MTNAP1: variants seen among roughly 807,000 people sequenced by gnomAD.
The protein encoded by MTNAP1 is mitochondrial nucleoid-associated protein 1.
At chr17:73,246,504 C>T in the MTNAP1 span, among the ~76,000 whole-genome samples, 33 of 152,274 alleles carry the variant, frequency 2.2e-4, no homozygotes, top group African/African-American at 7.9e-4. Context: ...CCATTGCATT[C>T]CAGCCTGGGT....
chr17:73,247,137 G>C, the MTNAP1 span: 1 of 955,646 alleles, frequency 1.0e-6, no homozygotes, highest in South Asian at 1.4e-5. Flanking sequence ...ATTTGGTTAG[G>C]TGGCATCCAT....
At chr17:73,235,908 A>G in the MTNAP1 span, 4 of 1,614,208 alleles carry the variant, frequency 2.5e-6, no homozygotes, top group African/African-American at 2.7e-5. Context: ...AGTTTTACGC[A>G]TCAGAGAAAA....
chr17:73,237,316 G>A, the MTNAP1 span, among the ~76,000 whole-genome samples: 1 of 152,230 alleles, frequency 6.6e-6, no homozygotes, highest in East Asian at 1.9e-4. Context: ...CGCACCTGTA[G>A]TCCCAGCTAT....
the MTNAP1 span, among the ~76,000 whole-genome samples, chr17:73,233,911 TTACTG>T: frequency 6.6e-6 from 1 of 152,048 alleles, no homozygotes; most frequent in African/African-American, 2.4e-5. Flanking sequence ...GTAAAAATGA[TTACTG>T]TAATCTGTTG....
the MTNAP1 span, chr17:73,247,381 C>T: frequency 6.3e-7 from 1 of 1,598,846 alleles, no homozygotes; most frequent in Non-Finnish European, 8.6e-7. Context: ...TGACTTCTCT[C>T]TAGTGCCTTC....
the MTNAP1 span, chr17:73,235,757 C>G: frequency 1.2e-6 from 2 of 1,614,152 alleles, no homozygotes; most frequent in Admixed American, 3.3e-5. Flanking sequence ...ACAGTGAAGA[C>G]CTTTCCACTG....
At chr17:73,236,860 A>C in the MTNAP1 span, 4 of 1,614,116 alleles carry the variant, frequency 2.5e-6, no homozygotes, top group Non-Finnish European at 3.4e-6. Context: ...TCGCAGCTGC[A>C]TGGGGCTGGA....
the MTNAP1 span, chr17:73,236,204 G>A: frequency 6.2e-7 from 1 of 1,614,180 alleles, no homozygotes; most frequent in Non-Finnish European, 8.5e-7. Flanking sequence ...GGGGTTAAAA[G>A]GGTAAGAACA....
chr17:73,237,627 G>A, the MTNAP1 span, among the ~76,000 whole-genome samples: 1 of 152,114 alleles, frequency 6.6e-6, no homozygotes, highest in Admixed American at 6.5e-5. Context: ...ACAGACTGGA[G>A]AAAAATATAA....
the MTNAP1 span, chr17:73,243,095 T>TTGTTTTTTTTG: frequency 2.1e-6 from 2 of 936,786 alleles, no homozygotes; most frequent in African/African-American, 3.5e-5. Context: ...TTTTTTTTTT[T>TTGTTTTTTTTG]TTTTTTACAG....
chr17:73,247,384 G>C, the MTNAP1 span: 9 of 1,593,086 alleles, frequency 5.6e-6, no homozygotes, highest in Non-Finnish European at 4.3e-6. Flanking sequence ...CTTCTCTCTA[G>C]TGCCTTCGTG....
the MTNAP1 span, among the ~76,000 whole-genome samples, chr17:73,233,544 G>A: frequency 1.3e-5 from 2 of 152,202 alleles, no homozygotes; most frequent in African/African-American, 2.4e-5. Flanking sequence ...TACCTCCAAA[G>A]AAAGAAAGAA....
the MTNAP1 span, among the ~76,000 whole-genome samples, chr17:73,239,393 G>A: frequency 0.51 from 78,149 of 151,980 alleles, 20,184 homozygotes; most frequent in East Asian, 0.62. Flanking sequence ...GGGACCTGAC[G>A]TTTATCTGTG....
chr17:73,240,551 G>A, the MTNAP1 span, among the ~76,000 whole-genome samples: 2 of 152,364 alleles, frequency 1.3e-5, no homozygotes, highest in Non-Finnish European at 2.9e-5. Flanking sequence ...GGCAATGACT[G>A]TCTCCAATGA....
the MTNAP1 span, among the ~76,000 whole-genome samples, chr17:73,242,706 A>G: frequency 6.6e-6 from 1 of 152,220 alleles, no homozygotes; most frequent in African/African-American, 2.4e-5. Flanking sequence ...ACCCAAAACA[A>G]GAGTAACTAA....
At chr17:73,235,371 A>C in the MTNAP1 span, 12 of 1,000,976 alleles carry the variant, frequency 1.2e-5, no homozygotes, top group Non-Finnish European at 1.7e-5. Flanking sequence ...GTAAGTAGCA[A>C]ACATCTAGCT....
chr17:73,232,640 C>CG, the MTNAP1 span: 4 of 217,164 alleles, frequency 1.8e-5, no homozygotes, highest in Non-Finnish European at 3.6e-5. Context: ...GTTCCTTGGC[C>CG]GGGGGTTGGG....
chr17:73,247,757 TAGGAAACAACAAA>T, the MTNAP1 span: 314 of 164,004 alleles, frequency 1.9e-3, 1 homozygote, highest in African/African-American at 7.0e-3. Flanking sequence ...TCACATATAG[TAGGAAACAACAAA>T]AAGTCTCCAC....
the MTNAP1 span, among the ~76,000 whole-genome samples, chr17:73,234,417 C>T: frequency 2.0e-5 from 3 of 151,080 alleles, no homozygotes; most frequent in Non-Finnish European, 2.9e-5. Flanking sequence ...GTAGGCCAGG[C>T]GTGGTGTCTC....
Sources: gnomAD v4.1 joint callset for allele counts (sites outside exome capture counted in the v4.1 genomes callset) on GRCh38, gnomAD v4.1.1 for gene constraint, MANE v1.5 for transcripts, NCBI Gene and HGNC (gene_info 2026-07-23, HGNC 2026-07-21) for gene names.